Variants in DLGAP1 observed in about 807,000 individuals in gnomAD.
DLGAP1 encodes DLG associated protein 1.
DLGAP1 carries 11 observed loss-of-function variants against 90.8 expected under a neutral mutation model. The observed-to-expected ratio is 0.12, with a 90% CI of 0.08 to 0.20. DLGAP1 has a LOEUF of 0.20. Ranked by LOEUF, DLGAP1 falls within the 10% of genes least tolerant of loss-of-function variation. The pLI is 1.00. For synonymous variants in DLGAP1, 558 were observed against 540.7 expected (o/e 1.03, Z -0.44); for missense variants, 1,050 against 1,333.8 (o/e 0.79, Z 3.31).
At chr18:4,036,086 C>T (rs539185832) in intron 2 of DLGAP1, among the ~76,000 whole-genome samples, 2 of 152,136 alleles carry the variant, frequency 1.3e-5, no homozygotes, top group African/African-American at 2.4e-5. Context: ...AGAACAGATA[C>T]CTTTAAAACT....
intron 2 of DLGAP1, among the ~76,000 whole-genome samples, chr18:4,126,117 T>G (rs1388968607): frequency 1.3e-5 from 2 of 152,182 alleles, no homozygotes; most frequent in Non-Finnish European, 1.5e-5. Flanking sequence ...CAAGGCAGCC[T>G]GCACCGAGCA....
chr18:4,211,757 C>A (rs1294026044), intron 1 of DLGAP1, among the ~76,000 whole-genome samples: 1 of 151,924 alleles, frequency 6.6e-6, no homozygotes, highest in Admixed American at 6.6e-5. Context: ...AGCAGTACAC[C>A]CCTATGTAAA....
chr18:3,525,308 T>C (rs993249742), intron 10 of DLGAP1, among the ~76,000 whole-genome samples: 1 of 152,226 alleles, frequency 6.6e-6, no homozygotes, highest in Non-Finnish European at 1.5e-5. Context: ...CTTTGAAAGT[T>C]GGATGAAATG....
intron 3 of DLGAP1, among the ~76,000 whole-genome samples, chr18:3,937,822 C>T (rs116115781): frequency 1.1e-3 from 171 of 152,214 alleles, no homozygotes; most frequent in African/African-American, 4.0e-3. Flanking sequence ...AGCGATTAAG[C>T]GTGAGGGCTT....
intron 1 of DLGAP1, among the ~76,000 whole-genome samples, chr18:4,300,885 T>G (rs1267098426): frequency 6.6e-6 from 1 of 152,206 alleles, no homozygotes; most frequent in Non-Finnish European, 1.5e-5. Flanking sequence ...GTTTTGTCAT[T>G]GAATTCTTAG....
rs376173328 is a variant in DLGAP1, at chr18:3,508,693, C to G, written c.2480-32G>C. 9 of 1,530,290 alleles carry G rather than the reference C, an allele frequency of 5.9e-6. No individual in the cohort carries two copies. In the African/African-American group the frequency reaches 1.1e-4, roughly 19 times the overall value. 94.8% of individuals were successfully genotyped at this position (1,530,290 alleles called of 1,614,324 possible). On this transcript the variant is annotated intron_variant, in intron 10 of 12. Coordinates refer to ENST00000315677, the MANE Select transcript of DLGAP1 (RefSeq NM_004746.4). ...AGAGCAAACATACGAGAAATTTACA[C>G]ATCATGCTTCATTGTTGAGATTTAG...
At chr18:3,771,816 A>G (rs527650402) in intron 5 of DLGAP1, among the ~76,000 whole-genome samples, 15 of 151,132 alleles carry the variant, frequency 9.9e-5, no homozygotes, top group African/African-American at 3.4e-4. Context: ...ACTGAGGTCT[A>G]CTAACTGCCT....
At chr18:3,647,135 T>A (rs1485267393) in intron 7 of DLGAP1, among the ~76,000 whole-genome samples, 1 of 151,530 alleles carries the variant, frequency 6.6e-6, no homozygotes, top group Non-Finnish European at 1.5e-5. Context: ...ATGGCGGTAA[T>A]CCCAGCTACT....
intron 3 of DLGAP1, among the ~76,000 whole-genome samples, chr18:3,973,144 C>A (rs9950532): frequency 0.4 from 59,974 of 151,822 alleles, 12,026 homozygotes; most frequent in Non-Finnish European, 0.42. Flanking sequence ...GTAATCCAAT[C>A]TTTATTGAAT....
At chr18:3,912,932 A>G (rs1197441359) in intron 3 of DLGAP1, among the ~76,000 whole-genome samples, 1 of 152,158 alleles carries the variant, frequency 6.6e-6, no homozygotes, top group South Asian at 2.1e-4. Flanking sequence ...TCCATCCAGA[A>G]CCATAAGCTA....
intron 1 of DLGAP1, among the ~76,000 whole-genome samples, chr18:4,214,609 C>T (rs73373067): frequency 0.18 from 26,853 of 152,040 alleles, 2,625 homozygotes; most frequent in African/African-American, 0.26. Flanking sequence ...AGTGGAAAGC[C>T]CTGTATATCT....
At chr18:3,563,513 A>G (rs1198810549) in intron 9 of DLGAP1, among the ~76,000 whole-genome samples, 1 of 149,760 alleles carries the variant, frequency 6.7e-6, no homozygotes, top group Non-Finnish European at 1.5e-5. Flanking sequence ...CTTGTTGCCC[A>G]GGCTGGAGTG....
intron 1 of DLGAP1, among the ~76,000 whole-genome samples, chr18:4,316,519 C>G (rs1246660116): frequency 6.6e-6 from 1 of 152,126 alleles, no homozygotes; most frequent in Admixed American, 6.5e-5. Flanking sequence ...CAGAAAACCA[C>G]GGTCCTCTCC....
chr18:4,340,711 G>A (rs1028482289), intron 1 of DLGAP1, among the ~76,000 whole-genome samples: 1 of 152,080 alleles, frequency 6.6e-6, no homozygotes, highest in Non-Finnish European at 1.5e-5. Flanking sequence ...CTTAAGTCCA[G>A]CACCCTTTCT....
intron 8 of DLGAP1, chr18:3,580,816 C>T (rs1279321295): frequency 1.5e-5 from 23 of 1,521,702 alleles, no homozygotes; most frequent in East Asian, 9.3e-5. Flanking sequence ...TTCCACCTGC[C>T]GTGCGGACCG....
At chr18:4,440,486 G>A (rs775600904) in intron 1 of DLGAP1, among the ~76,000 whole-genome samples, 2 of 151,838 alleles carry the variant, frequency 1.3e-5, no homozygotes, top group East Asian at 1.9e-4. Context: ...CTTTACTATC[G>A]GTACATTACT....
At chr18:4,206,766 A>C (rs1015479107) in intron 1 of DLGAP1, among the ~76,000 whole-genome samples, 3 of 152,116 alleles carry the variant, frequency 2.0e-5, no homozygotes, top group Admixed American at 6.6e-5. Flanking sequence ...TGTTACCTTC[A>C]TTCATCTCCA....
At chr18:3,646,857 G>C (rs60722902) in intron 7 of DLGAP1, among the ~76,000 whole-genome samples, 8,488 of 151,938 alleles carry the variant, frequency 0.056, 606 homozygotes, top group East Asian at 0.19. Context: ...CCCGGGAGGC[G>C]GAGCTTGCAG....
intron 4 of DLGAP1, among the ~76,000 whole-genome samples, chr18:3,852,496 C>T (rs918156888): frequency 6.6e-6 from 1 of 152,186 alleles, no homozygotes; most frequent in Non-Finnish European, 1.5e-5. Flanking sequence ...TTGGGTAACA[C>T]TGTTTCCTCA....
Sources: gnomAD v4.1 joint callset for allele counts (sites outside exome capture counted in the v4.1 genomes callset) on GRCh38, gnomAD v4.1.1 for gene constraint, MANE v1.5 for transcripts, NCBI Gene and HGNC (gene_info 2026-07-23, HGNC 2026-07-21) for gene names.